The following TRPC4 variants were observed in gnomAD, a reference collection of about 807,000 sequenced individuals.
TRPC4 encodes short transient receptor potential channel 4.
A neutral mutation model predicts 99.4 loss-of-function variants in TRPC4; 49 were observed. That is an observed-to-expected ratio of 0.49 (90% CI 0.39 to 0.63). The LOEUF is 0.63. Ranked by LOEUF, TRPC4 falls within the 20% of genes least tolerant of loss-of-function variation. TRPC4 has a pLI of 0.00. For missense variants in TRPC4, 898 were observed against 1,152.9 expected (o/e 0.78, Z 3.20); for synonymous variants, 454 against 425.9 (o/e 1.07, Z -0.81).
chr13:37,652,201 A>G (rs1034359490), intron 7 of TRPC4, among the ~76,000 whole-genome samples: 1 of 152,248 alleles, frequency 6.6e-6, no homozygotes, highest in African/African-American at 2.4e-5. Flanking sequence ...TTCTTAATTT[A>G]GCCATAAATC....
intron 2 of TRPC4, among the ~76,000 whole-genome samples, chr13:37,775,737 A>G (rs1956681775): frequency 6.6e-6 from 1 of 151,762 alleles, no homozygotes; most frequent in African/African-American, 2.4e-5. Flanking sequence ...CATATTGTGG[A>G]ATAAAAATCC....
chr13:37,745,126 TAA>T (rs1337516294), intron 3 of TRPC4, among the ~76,000 whole-genome samples: 2 of 151,984 alleles, frequency 1.3e-5, no homozygotes, highest in African/African-American at 4.8e-5. Flanking sequence ...TATAATTTAC[TAA>T]GAGTCTTCAC....
intron 1 of TRPC4, among the ~76,000 whole-genome samples, chr13:37,791,374 CAACACAG>C (rs1808242824): frequency 1.5e-5 from 2 of 131,618 alleles, no homozygotes; most frequent in Admixed American, 1.7e-4. Context: ...CCAGCCTGGG[CAACACAG>C]CAAGACTCTG....
chr13:37,824,957 A>T (rs1958155425), intron 1 of TRPC4, among the ~76,000 whole-genome samples: 2 of 152,144 alleles, frequency 1.3e-5, no homozygotes, highest in Admixed American at 6.5e-5. Context: ...TGATCCTGTT[A>T]TTGGTCTATT....
chr13:37,852,262 G>A (rs565967409), intron 1 of TRPC4, among the ~76,000 whole-genome samples: 4 of 152,214 alleles, frequency 2.6e-5, no homozygotes, highest in South Asian at 2.1e-4. Context: ...GAGTAAAGAC[G>A]ACTCTGTCTT....
chr13:37,848,062 A>T (rs911484091), intron 1 of TRPC4, among the ~76,000 whole-genome samples: 1 of 152,194 alleles, frequency 6.6e-6, no homozygotes, highest in African/African-American at 2.4e-5. Context: ...TCAACTTTAC[A>T]TGAGTTTGCC....
intron 3 of TRPC4, among the ~76,000 whole-genome samples, chr13:37,710,217 A>G (rs938769915): frequency 6.6e-6 from 1 of 151,952 alleles, no homozygotes; most frequent in Non-Finnish European, 1.5e-5. Context: ...ATGGATTGTC[A>G]GACTTCTACT....
intron 8 of TRPC4, among the ~76,000 whole-genome samples, chr13:37,648,154 G>A (rs1393793001): frequency 6.6e-6 from 1 of 152,126 alleles, no homozygotes; most frequent in Non-Finnish European, 1.5e-5. Context: ...TGTTGGCCAG[G>A]ATGGTCTCTA....
At chr13:37,811,523 A>C (rs1232370895) in intron 1 of TRPC4, among the ~76,000 whole-genome samples, 1 of 152,242 alleles carries the variant, frequency 6.6e-6, no homozygotes, top group East Asian at 1.9e-4. Context: ...GAATCTGGGG[A>C]GAGGCAACAC....
At chr13:37,711,232 T>C (rs551654890) in intron 3 of TRPC4, among the ~76,000 whole-genome samples, 1 of 152,070 alleles carries the variant, frequency 6.6e-6, no homozygotes, top group South Asian at 2.1e-4. Flanking sequence ...TGGAACAGAG[T>C]TTAAAGATAA....
intron 1 of TRPC4, among the ~76,000 whole-genome samples, chr13:37,839,052 T>G (rs978011553): frequency 1.1e-4 from 16 of 152,284 alleles, no homozygotes; most frequent in African/African-American, 2.6e-4. Flanking sequence ...TTAAATAATA[T>G]TCAGAAAGAT....
chr13:37,803,339 T>A (rs528348019), intron 1 of TRPC4, among the ~76,000 whole-genome samples: 7 of 152,180 alleles, frequency 4.6e-5, no homozygotes, highest in African/African-American at 1.7e-4. Context: ...TACTGGAATG[T>A]CACTGACTAG....
intron 3 of TRPC4, among the ~76,000 whole-genome samples, chr13:37,745,459 TATATATATATATATACAC>T (rs202087698): frequency 0.09 from 7,813 of 86,764 alleles, 446 homozygotes; most frequent in Admixed American, 0.19. Flanking sequence ...TATATATATA[TATATATATATATATACAC>T]ACACACACAC....
At position 37,674,269 on chromosome 13, in the gene TRPC4, A is replaced by G. The variant is rs1483571868; in HGVS notation, c.1333T>C (p.Tyr445His). The change falls in exon 5 of 11, where the codon TAT becomes CAT. Residue 445 changes from tyrosine (Y) to histidine (H), a missense_variant. By Grantham distance (83) the Tyr-to-His change is moderately conservative. Transcript: ENST00000379705. ...ATTTTCAAGGAGATTGTTGCTAAAT[A>G]TAAGGAGTTCATTACAAAGTCCATT... ...NLMDFVMNSL[Y>H]LATISLKIVA... is the part of the protein sequence containing the mutation. 1.2e-6 allele frequency: 2 copies of G among 1,602,384 alleles called. No homozygotes were observed. The highest frequency in any genetic ancestry group is 1.3e-5 in the African/African-American group (1 of 74,634).
chr13:37,823,031 G>C, intron 1 of TRPC4, among the ~76,000 whole-genome samples: 1 of 148,476 alleles, frequency 6.7e-6, no homozygotes, highest in African/African-American at 2.5e-5. Flanking sequence ...GTGATGATGA[G>C]CATTTTTTCA....
chr13:37,686,183 G>A (rs897269478), intron 4 of TRPC4, among the ~76,000 whole-genome samples: 7 of 152,020 alleles, frequency 4.6e-5, no homozygotes, highest in Non-Finnish European at 1.0e-4. Context: ...ATTCAGCGGT[G>A]AGGCTGAAAA....
At chr13:37,867,942 G>C (rs1959875818) in intron 1 of TRPC4, among the ~76,000 whole-genome samples, 1 of 152,044 alleles carries the variant, frequency 6.6e-6, no homozygotes, top group Non-Finnish European at 1.5e-5. Flanking sequence ...TGAAATGTGT[G>C]TATAGAATAA....
At chr13:37,796,598 G>A (rs1311409978) in intron 1 of TRPC4, among the ~76,000 whole-genome samples, 5 of 152,004 alleles carry the variant, frequency 3.3e-5, no homozygotes, top group African/African-American at 4.8e-5. Flanking sequence ...GAGTTCTTTT[G>A]AGTCCTCACC....
intron 1 of TRPC4, among the ~76,000 whole-genome samples, chr13:37,815,703 G>A (rs1289597): frequency 0.84 from 128,190 of 151,876 alleles, 54,230 homozygotes; most frequent in East Asian, 0.96. Context: ...TATTAGACAG[G>A]TCATTGAGGC....
Sources: gnomAD v4.1 joint callset for allele counts (sites outside exome capture counted in the v4.1 genomes callset) on GRCh38, gnomAD v4.1.1 for gene constraint, MANE v1.5 for transcripts, NCBI Gene and HGNC (gene_info 2026-07-23, HGNC 2026-07-21) for gene names.